Variants in LRCH1 observed in about 807,000 individuals in gnomAD.
LRCH1 encodes leucine-rich repeat and calponin homology domain-containing protein 1.
LRCH1 carries 23 observed loss-of-function variants against 94.9 expected under a neutral mutation model. The ratio of observed to expected loss-of-function variants is 0.24; its 90% confidence interval spans 0.17 to 0.34. The LOEUF (loss-of-function observed/expected upper bound fraction) is 0.34, where lower values mean the gene tolerates loss of function less well. LRCH1 is among the 10% of genes least tolerant of loss of function. The probability of loss-of-function intolerance (pLI) is 1.00; values close to 1 mark genes in which losing one functional copy is unlikely to be tolerated. For synonymous variants in LRCH1, 364 were observed against 354.9 expected, an observed-to-expected ratio of 1.03 and a Z score of -0.29; for missense variants, 790 against 945.9, an observed-to-expected ratio of 0.84 and a Z score of 2.16.
intron 3 of LRCH1, among the ~76,000 whole-genome samples, chr13:46,673,405 G>C (rs2051627442): frequency 1.3e-5 from 2 of 152,168 alleles, no homozygotes; most frequent in South Asian, 2.1e-4. Context: ...CTAAAAAAAA[G>C]ATTATTTTCC....
intron 1 of LRCH1, among the ~76,000 whole-genome samples, chr13:46,614,674 T>C (rs1424613250): frequency 1.3e-5 from 2 of 152,242 alleles, no homozygotes; most frequent in African/African-American, 4.8e-5. Flanking sequence ...ATGAATGCTG[T>C]GTATTCTCCT....
At chr13:46,714,985 T>C (rs1400086058) in intron 15 of LRCH1, among the ~76,000 whole-genome samples, 1 of 152,232 alleles carries the variant, frequency 6.6e-6, no homozygotes, top group Non-Finnish European at 1.5e-5. Context: ...TTCAGCTATC[T>C]ATAAAGCATG....
intron 1 of LRCH1, among the ~76,000 whole-genome samples, chr13:46,603,548 C>T (rs533327248): frequency 1.3e-5 from 2 of 152,180 alleles, no homozygotes; most frequent in Non-Finnish European, 2.9e-5. Context: ...AATTTCAAGA[C>T]TCCTGCTACC....
At chr13:46,613,784 C>G (rs1460791028) in intron 1 of LRCH1, among the ~76,000 whole-genome samples, 1 of 152,104 alleles carries the variant, frequency 6.6e-6, no homozygotes, top group African/African-American at 2.4e-5. Flanking sequence ...AGAAGTTATT[C>G]TCTAAGTCTG....
chr13:46,582,072 C>T (rs995828042), intron 1 of LRCH1, among the ~76,000 whole-genome samples: 8 of 150,432 alleles, frequency 5.3e-5, no homozygotes, highest in Admixed American at 3.3e-4. Context: ...ATCGCTTGAA[C>T]CTGGGAGGCG....
intron 2 of LRCH1, among the ~76,000 whole-genome samples, chr13:46,652,441 G>C (rs2138084171): frequency 6.7e-6 from 1 of 149,858 alleles, no homozygotes; most frequent in South Asian, 2.1e-4. Flanking sequence ...AGGTTTTTAA[G>C]TAGCCTTAAC....
chr13:46,723,189 T>C, intron 16 of LRCH1, 32 bp from the exon 17 acceptor site: 1 of 1,318,112 alleles, frequency 7.6e-7, no homozygotes, highest in Non-Finnish European at 1.1e-6. Flanking sequence ...CAAGGCACTA[T>C]ATAAAGGCTT....
chr13:46,564,027 TG>T (rs368124245), intron 1 of LRCH1, among the ~76,000 whole-genome samples: 1 of 152,104 alleles, frequency 6.6e-6, no homozygotes, highest in African/African-American at 2.4e-5. Context: ...AAAAAAATGG[TG>T]TGAAACCTTT....
At chr13:46,557,248 A>ATTGTACAATTGAATTGTAC (rs1301758168) in intron 1 of LRCH1, among the ~76,000 whole-genome samples, 1 of 152,074 alleles carries the variant, frequency 6.6e-6, no homozygotes, top group Non-Finnish European at 1.5e-5. Flanking sequence ...GTACAATTAA[A>ATTGTACAATTGAATTGTAC]AGTGAATTGA....
chr13:46,581,982 T>C (rs934278462), intron 1 of LRCH1, among the ~76,000 whole-genome samples: 87 of 152,020 alleles, frequency 5.7e-4, no homozygotes, highest in Non-Finnish European at 8.7e-4. Flanking sequence ...AAACCCCCTT[T>C]GTACTAAAAA....
chr13:46,685,234 C>T (rs954846616), intron 4 of LRCH1, among the ~76,000 whole-genome samples: 4 of 152,126 alleles, frequency 2.6e-5, no homozygotes, highest in East Asian at 1.9e-4. Context: ...CTGCCAGTGT[C>T]GTTTTGAATG....
intron 3 of LRCH1, among the ~76,000 whole-genome samples, chr13:46,670,658 C>CCCG (rs1289122362): frequency 2.0e-5 from 3 of 151,870 alleles, no homozygotes; most frequent in East Asian, 1.9e-4. Context: ...TGCCCATCCC[C>CCCG]CCCCAACCCT....
chr13:46,687,671 A>C (rs1443323276), intron 5 of LRCH1, among the ~76,000 whole-genome samples, 181 bp from the exon 6 acceptor site: 1 of 152,238 alleles, frequency 6.6e-6, no homozygotes, highest in Non-Finnish European at 1.5e-5. Flanking sequence ...TCAAAGTAGA[A>C]TTTGGAGGGA....
At chr13:46,694,793 C>A in intron 8 of LRCH1, 100 bp from the exon 9 acceptor site, 1 of 1,309,666 alleles carries the variant, frequency 7.6e-7, no homozygotes, top group Non-Finnish European at 1.1e-6. Context: ...ATAGGGAACA[C>A]AGAAGACTTG....
intron 9 of LRCH1, among the ~76,000 whole-genome samples, chr13:46,698,271 G>A (rs910778264): frequency 2.0e-5 from 3 of 152,172 alleles, no homozygotes; most frequent in African/African-American, 7.2e-5. Flanking sequence ...CTTTTGGCTG[G>A]TGTTCTCTCC....
At chr13:46,747,158 A>G (rs1007407017), downstream of LRCH1, among the ~76,000 whole-genome samples, 1 of 152,124 alleles carries the variant, frequency 6.6e-6, no homozygotes, top group African/African-American at 2.4e-5. Flanking sequence ...ATCACTAGCC[A>G]TACAAGCAGG....
intron 1 of LRCH1, among the ~76,000 whole-genome samples, chr13:46,569,081 C>T (rs1485720722): frequency 6.6e-6 from 1 of 152,004 alleles, no homozygotes; most frequent in East Asian, 1.9e-4. Flanking sequence ...TTCCTTATTT[C>T]GAAACGTCTT....
intron 1 of LRCH1, among the ~76,000 whole-genome samples, chr13:46,594,009 T>C (rs1445618541): frequency 6.6e-6 from 1 of 152,128 alleles, no homozygotes; most frequent in Admixed American, 6.5e-5. Context: ...TCAGGCCATC[T>C]CCTTGAACTA....
intron 13 of LRCH1, among the ~76,000 whole-genome samples, chr13:46,707,396 A>G (rs1871818989): frequency 6.6e-6 from 1 of 152,188 alleles, no homozygotes; most frequent in African/African-American, 2.4e-5. Context: ...GCCACACACT[A>G]TGTCCATCTT....
Sources: allele counts gnomAD v4.1 joint callset (sites outside exome capture counted in the v4.1 genomes callset), GRCh38; gene constraint gnomAD v4.1.1; transcripts MANE v1.5; gene names NCBI Gene and HGNC (gene_info 2026-07-23, HGNC 2026-07-21).